Variants in CACNA2D3 observed in about 807,000 individuals in gnomAD.
The protein encoded by CACNA2D3 is voltage-dependent calcium channel subunit alpha-2/delta-3.
In CACNA2D3, 60 loss-of-function variants were observed where a neutral mutation model predicts 160.6. That is an observed-to-expected ratio of 0.37 (90% CI 0.30 to 0.46). CACNA2D3 has a LOEUF of 0.46. Ranked by LOEUF, CACNA2D3 falls within the 20% of genes least tolerant of loss-of-function variation. The pLI, the probability that CACNA2D3 is intolerant of heterozygous loss-of-function variation, is 1.00. For missense variants in CACNA2D3, 1,205 were observed against 1,365.0 expected (o/e 0.88, Z 1.85); for synonymous variants, 558 against 492.9 (o/e 1.13, Z -1.75).
At chr3:54,386,880 C>G in intron 4 of CACNA2D3, 106 bp downstream of exon 4, 1 of 1,018,780 alleles carries the variant, frequency 9.8e-7, no homozygotes, top group South Asian at 1.5e-5. Context: ...GAGGGAGAGG[C>G]TTTTGAGAGG....
chr3:54,149,751 C>T (rs185327387), intron 2 of CACNA2D3, among the ~76,000 whole-genome samples: 69 of 152,208 alleles, frequency 4.5e-4, no homozygotes, highest in Non-Finnish European at 7.5e-4. Flanking sequence ...TGGGTACCCA[C>T]AGCAGTGTAC....
At chr3:55,020,908 A>G (rs920749466) in intron 35 of CACNA2D3, among the ~76,000 whole-genome samples, 1 of 151,756 alleles carries the variant, frequency 6.6e-6, no homozygotes, top group African/African-American at 2.4e-5. Flanking sequence ...TACTTACACC[A>G]TGAACTTTTT....
At chr3:54,182,771 G>A (rs1700806224) in intron 2 of CACNA2D3, among the ~76,000 whole-genome samples, 1 of 152,190 alleles carries the variant, frequency 6.6e-6, no homozygotes, top group African/African-American at 2.4e-5. Flanking sequence ...TGGGATGGCA[G>A]AAACTGCTTA....
At chr3:54,723,774 A>C (rs560773005) in intron 11 of CACNA2D3, among the ~76,000 whole-genome samples, 1 of 152,218 alleles carries the variant, frequency 6.6e-6, no homozygotes, top group East Asian at 1.9e-4. Context: ...TGCAGAAATC[A>C]CCCACCTTCT....
intron 2 of CACNA2D3, among the ~76,000 whole-genome samples, chr3:54,269,987 A>G (rs920601634): frequency 1.3e-5 from 2 of 152,232 alleles, no homozygotes; most frequent in Admixed American, 6.5e-5. Flanking sequence ...GGCAACAGAA[A>G]AATAAAAGCA....
In CACNA2D3 at chr3:54,431,795, C is replaced by T. The variant is rs970696744; in HGVS notation, c.381+45021C>T. 4.6e-5 allele frequency among the ~76,000 whole-genome samples: 7 copies of T among 151,900 alleles called. No homozygotes were observed. The East Asian group carries it at 7.7e-4, about 17-fold the overall frequency. On this transcript the variant is annotated intron_variant, in intron 4 of 37. Coordinates refer to ENST00000474759, the MANE Select transcript of CACNA2D3 (RefSeq NM_018398.3). ...CTAATTTTTGTATTTTTAGTAGAGA[C>T]GGGGTTTCAGCTGTGTTGGCCAGGA... is the stretch of plus-strand genomic sequence containing the variant.
intron 4 of CACNA2D3, among the ~76,000 whole-genome samples, chr3:54,389,026 C>A (rs1699235778): frequency 6.6e-6 from 1 of 152,054 alleles, no homozygotes; most frequent in East Asian, 1.9e-4. Flanking sequence ...ACAAATGGGC[C>A]AGGCTGGGTG....
chr3:54,418,019 C>T (rs890829421), intron 4 of CACNA2D3, among the ~76,000 whole-genome samples: 1 of 152,180 alleles, frequency 6.6e-6, no homozygotes, highest in Admixed American at 6.5e-5. Context: ...AGCTCCTGGG[C>T]TCAAGTGATC....
At chr3:54,796,526 A>G (rs1468921739) in intron 13 of CACNA2D3, among the ~76,000 whole-genome samples, 1 of 152,194 alleles carries the variant, frequency 6.6e-6, no homozygotes, top group African/African-American at 2.4e-5. Flanking sequence ...ATATTTACCA[A>G]TGGGCCAAGG....
intron 11 of CACNA2D3, among the ~76,000 whole-genome samples, chr3:54,703,802 T>C (rs1700809970): frequency 6.6e-6 from 1 of 151,972 alleles, no homozygotes; most frequent in African/African-American, 2.4e-5. Context: ...CAAAGGAAAG[T>C]GATGGTTAGA....
At chr3:54,139,030 A>G (rs933496385) in intron 2 of CACNA2D3, among the ~76,000 whole-genome samples, 10 of 152,286 alleles carry the variant, frequency 6.6e-5, no homozygotes, top group Middle Eastern at 3.4e-3. Context: ...TCCAGGTTCT[A>G]GTTCTGGCCT....
At chr3:54,985,469 G>A (rs955050294) in intron 30 of CACNA2D3, among the ~76,000 whole-genome samples, 1 of 152,286 alleles carries the variant, frequency 6.6e-6, no homozygotes, top group Middle Eastern at 3.4e-3. Context: ...ATATAATAAA[G>A]TAACGCCATC....
chr3:55,040,105 G>T (rs966744265), intron 35 of CACNA2D3, among the ~76,000 whole-genome samples: 1 of 152,134 alleles, frequency 6.6e-6, no homozygotes, highest in Admixed American at 6.6e-5. Context: ...TTAGTGAATG[G>T]CCTTCTTGCT....
intron 11 of CACNA2D3, among the ~76,000 whole-genome samples, chr3:54,696,785 C>T (rs1333011499): frequency 6.6e-6 from 1 of 152,220 alleles, no homozygotes; most frequent in Non-Finnish European, 1.5e-5. Flanking sequence ...TGGGGCTAAG[C>T]TCATAAATTA....
chr3:54,588,028 A>G (rs754893996), intron 9 of CACNA2D3, among the ~76,000 whole-genome samples: 7 of 152,214 alleles, frequency 4.6e-5, no homozygotes, highest in Non-Finnish European at 8.8e-5. Flanking sequence ...AAAAAGAACA[A>G]TATTTCTCAT....
chr3:54,359,208 A>G (rs1024788380), intron 3 of CACNA2D3, among the ~76,000 whole-genome samples: 1 of 152,214 alleles, frequency 6.6e-6, no homozygotes, highest in African/African-American at 2.4e-5. Context: ...CACTTCCCCT[A>G]GGATCATGTT....
intron 27 of CACNA2D3, among the ~76,000 whole-genome samples, chr3:54,965,967 A>G (rs777849984): frequency 6.6e-6 from 1 of 152,084 alleles, no homozygotes; most frequent in Non-Finnish European, 1.5e-5. Flanking sequence ...AATGGGATGG[A>G]GGGACTGACT....
At chr3:54,405,272 A>T (rs1699554574) in intron 4 of CACNA2D3, among the ~76,000 whole-genome samples, 1 of 68,138 alleles carries the variant, frequency 1.5e-5, no homozygotes, top group African/African-American at 6.5e-5. Flanking sequence ...TACTCAGTAA[A>T]AAAAAAAAAA....
At chr3:55,072,482 G>A (rs1028696818) in intron 35 of CACNA2D3, among the ~76,000 whole-genome samples, 3 of 152,154 alleles carry the variant, frequency 2.0e-5, no homozygotes, top group African/African-American at 7.2e-5. Flanking sequence ...TCAAAAGAAT[G>A]GAACAAATTT....
Sources: allele counts gnomAD v4.1 joint callset (sites outside exome capture counted in the v4.1 genomes callset), GRCh38; gene constraint gnomAD v4.1.1; transcripts MANE v1.5; gene names NCBI Gene and HGNC (gene_info 2026-07-23, HGNC 2026-07-21).